ANO3: variants seen among roughly 807,000 people sequenced by gnomAD.
ANO3 encodes anoctamin 3, also known as anoctamin-3.
Under a neutral mutation model 144.8 loss-of-function variants are expected in ANO3, and 99 were observed. The ratio of observed to expected loss-of-function variants is 0.68; its 90% CI spans 0.58 to 0.81. ANO3 has a LOEUF of 0.81. Among genes scored for constraint, ANO3 ranks in the 30% least tolerant of loss-of-function variants. ANO3 has a pLI of 0.00. For synonymous variants in ANO3, 414 were observed against 392.6 expected, an observed-to-expected ratio of 1.05 and a Z score of -0.64; for missense variants, 905 against 1,202.2, an observed-to-expected ratio of 0.75 and a Z score of 3.66.
chr11:26,367,695 T>C (rs2133934003), intron 1 of ANO3, among the ~76,000 whole-genome samples: 1 of 152,306 alleles, frequency 6.6e-6, no homozygotes, highest in African/African-American at 2.4e-5. Context: ...AGAGGTTTAA[T>C]TGGCTTGTAG....
At chr11:26,357,037 A>C (rs925308500) in intron 1 of ANO3, among the ~76,000 whole-genome samples, 13 of 152,208 alleles carry the variant, frequency 8.5e-5, no homozygotes, top group Non-Finnish European at 1.5e-4. Flanking sequence ...TTTGCTATAT[A>C]AGGTTAATTC....
Position 26,584,675 on chromosome 11 carries a change from TA to T in ANO3, c.1448-13684del, listed in dbSNP as rs536018250. On this transcript the variant is annotated intron_variant, in intron 14 of 26. Transcript: ENST00000256737. The stretch of plus-strand genomic sequence containing the variant: ...GTATAAGAACAAGTGTAATAAGTGA[TA>T]AAAAAGTGCTGAAGATGCACAAGCT... 1.1e-4 allele frequency among the ~76,000 whole-genome samples: 16 copies of T among 152,322 alleles called. No homozygotes were observed. In the East Asian group the frequency reaches 2.9e-3, roughly 28 times the overall value.
intron 10 of ANO3, 145 bp downstream of exon 10, chr11:26,537,606 A>G (rs1849544047): frequency 1.4e-6 from 1 of 728,584 alleles, no homozygotes; most frequent in Non-Finnish European, 2.4e-6. Context: ...CCCCATTGTA[A>G]TTTTGTGGCT....
At chr11:26,205,350 G>A (rs1406987001) in intron 1 of ANO3, among the ~76,000 whole-genome samples, 1 of 152,084 alleles carries the variant, frequency 6.6e-6, no homozygotes, top group African/African-American at 2.4e-5. Context: ...CTAAGAGTTA[G>A]GTATCATTAT....
intron 1 of ANO3, among the ~76,000 whole-genome samples, chr11:26,391,984 G>A (rs1030492756): frequency 3.4e-3 from 1 of 296 alleles, no homozygotes; most frequent in African/African-American, 0.017. Context: ...AAAAAATGTC[G>A]GAAAACAACA....
chr11:26,622,798 A>T (rs1852458609), intron 17 of ANO3, among the ~76,000 whole-genome samples: 1 of 152,162 alleles, frequency 6.6e-6, no homozygotes, highest in Admixed American at 6.5e-5. Flanking sequence ...TACTTAACAA[A>T]ATTGTTGTTA....
chr11:26,276,060 C>A (rs910127755), intron 1 of ANO3, among the ~76,000 whole-genome samples: 2 of 152,104 alleles, frequency 1.3e-5, no homozygotes, highest in African/African-American at 4.8e-5. Flanking sequence ...GTGTTCTGCA[C>A]AAGGGAGGCC....
intron 4 of ANO3, among the ~76,000 whole-genome samples, chr11:26,478,169 T>C (rs1355132): frequency 0.27 from 41,391 of 152,020 alleles, 5,823 homozygotes; most frequent in South Asian, 0.39. Context: ...TCTGGTTCTG[T>C]GATTCCCTGG....
At chr11:26,189,259 T>C (rs1426641370) in exon 1 of ANO3, 1 of 985,222 alleles carries the variant, frequency 1.0e-6, no homozygotes, top group Admixed American at 6.2e-5. Context: ...TGTTTTGCTT[T>C]ACCCTGTTTG....
intron 4 of ANO3, among the ~76,000 whole-genome samples, chr11:26,496,974 G>GTA (rs71047855): frequency 0.44 from 59,782 of 136,128 alleles, 13,064 homozygotes; most frequent in East Asian, 0.55. Context: ...AATGTTGTGT[G>GTA]TATATATATA....
intron 23 of ANO3, 115 bp downstream of exon 23, chr11:26,643,449 G>T: frequency 1.5e-6 from 2 of 1,323,942 alleles, no homozygotes. Context: ...ATAGTATTAA[G>T]AGGCCTTTAA....
At chr11:26,348,944 G>T (rs572679910) in intron 1 of ANO3, among the ~76,000 whole-genome samples, 5 of 152,290 alleles carry the variant, frequency 3.3e-5, no homozygotes, top group Admixed American at 3.3e-4. Flanking sequence ...GGAAAAGGTT[G>T]TGGTTGATGT....
chr11:26,332,618 G>C (rs1399608389), intron 1 of ANO3, among the ~76,000 whole-genome samples: 1 of 151,972 alleles, frequency 6.6e-6, no homozygotes, highest in African/African-American at 2.4e-5. Flanking sequence ...AGTAGGGATT[G>C]TCCGAATAGC....
intron 1 of ANO3, among the ~76,000 whole-genome samples, chr11:26,231,068 G>A (rs1003576671): frequency 1.3e-4 from 20 of 151,654 alleles, no homozygotes; most frequent in African/African-American, 3.9e-4. Flanking sequence ...TAGTAGACAC[G>A]GGGTTTCAAC....
chr11:26,236,836 A>AG (rs1491049273), intron 1 of ANO3, among the ~76,000 whole-genome samples: 1 of 146,816 alleles, frequency 6.8e-6, no homozygotes, highest in African/African-American at 2.5e-5. Context: ...AAAAAAAAAA[A>AG]AGAATCTAAA....
At chr11:26,475,658 G>A (rs1008970581) in intron 4 of ANO3, among the ~76,000 whole-genome samples, 21 of 152,098 alleles carry the variant, frequency 1.4e-4, no homozygotes, top group Non-Finnish European at 2.6e-4. Context: ...TCAAAAGTAT[G>A]TGCTGCATAA....
intron 1 of ANO3, among the ~76,000 whole-genome samples, chr11:26,205,423 A>G (rs989345767): frequency 6.6e-6 from 1 of 152,212 alleles, no homozygotes; most frequent in East Asian, 1.9e-4. Flanking sequence ...GCAGAATTCA[A>G]CTATAAACCT....
intron 1 of ANO3, among the ~76,000 whole-genome samples, chr11:26,236,554 C>T (rs1396812371): frequency 2.0e-5 from 3 of 152,158 alleles, no homozygotes; most frequent in East Asian, 1.9e-4. Context: ...GGCCGCGGCT[C>T]ATGCCTGTAA....
intron 1 of ANO3, among the ~76,000 whole-genome samples, chr11:26,259,585 G>GGGGGGGCA (rs371890851): frequency 6.9e-6 from 1 of 145,228 alleles, no homozygotes; most frequent in Non-Finnish European, 1.5e-5. Flanking sequence ...GGGTGGGGGT[G>GGGGGGGCA]GGGGGGCAGA....
Sources: allele counts gnomAD v4.1 joint callset (sites outside exome capture counted in the v4.1 genomes callset), GRCh38; gene constraint gnomAD v4.1.1; transcripts MANE v1.5; gene names NCBI Gene and HGNC (gene_info 2026-07-23, HGNC 2026-07-21).